The following NEGR1 variants were observed in gnomAD, a reference collection of about 807,000 sequenced individuals.
NEGR1 encodes IgLON family member 4.
A neutral mutation model predicts 40.9 loss-of-function variants in NEGR1; 10 were observed. The ratio of observed to expected loss-of-function variants is 0.24; its 90% CI spans 0.15 to 0.42. The LOEUF is 0.42. NEGR1 is among the 10% of genes least tolerant of loss of function. The probability of loss-of-function intolerance (pLI) is 1.00; values close to 1 mark genes in which losing one functional copy is unlikely to be tolerated. For missense variants in NEGR1, 352 were observed against 438.9 expected (o/e 0.80, Z 1.77); for synonymous variants, 185 against 166.8 (o/e 1.11, Z -0.84).
chr1:72,020,345 G>C (rs1035753454), intron 1 of NEGR1, among the ~76,000 whole-genome samples: 3 of 152,092 alleles, frequency 2.0e-5, no homozygotes, highest in African/African-American at 7.2e-5. Flanking sequence ...ACCCAGGAAA[G>C]GGGAAAGATC....
chr1:71,762,422 T>C (rs1040097885), intron 3 of NEGR1, among the ~76,000 whole-genome samples: 2 of 152,126 alleles, frequency 1.3e-5, no homozygotes, highest in Non-Finnish European at 2.9e-5. Flanking sequence ...CTATAGGCTG[T>C]CTGCAAGAGA....
intron 6 of NEGR1, among the ~76,000 whole-genome samples, chr1:71,424,056 T>G (rs1451595040): frequency 6.7e-6 from 1 of 149,696 alleles, no homozygotes; most frequent in Non-Finnish European, 1.5e-5. Context: ...AAGGCATAAC[T>G]GTCAGACGCT....
intron 2 of NEGR1, among the ~76,000 whole-genome samples, chr1:71,900,694 G>A (rs138973481): frequency 2.1e-4 from 32 of 152,242 alleles, no homozygotes; most frequent in Admixed American, 4.6e-4. Context: ...CATAAGATTT[G>A]AACTGTAACC....
chr1:71,547,721 T>C (rs1647947015), intron 6 of NEGR1, among the ~76,000 whole-genome samples: 1 of 151,618 alleles, frequency 6.6e-6, no homozygotes. Context: ...GAGCACTGCT[T>C]TGCCAGTTCT....
chr1:72,274,672 T>C (rs1167303776), intron 1 of NEGR1: 31 of 911,190 alleles, frequency 3.4e-5, no homozygotes, highest in East Asian at 7.2e-5. Context: ...TGGAGGTACC[T>C]ATATGCTGAA....
chr1:71,477,895 T>A (rs1287416390), intron 6 of NEGR1, among the ~76,000 whole-genome samples: 26 of 150,884 alleles, frequency 1.7e-4, no homozygotes, highest in African/African-American at 5.8e-4. Flanking sequence ...TCTTGGATTT[T>A]TAAAAAAAAA....
chr1:71,961,744 T>A (rs1646166856), intron 1 of NEGR1, among the ~76,000 whole-genome samples: 1 of 152,032 alleles, frequency 6.6e-6, no homozygotes, highest in South Asian at 2.1e-4. Context: ...CTCTGTAAAA[T>A]ATCAATATTA....
chr1:71,584,084 T>C (rs1409952957), intron 6 of NEGR1, among the ~76,000 whole-genome samples: 2 of 152,230 alleles, frequency 1.3e-5, no homozygotes, highest in African/African-American at 2.4e-5. Context: ...CAAGCAAGTC[T>C]GGCTTGGTTT....
At chr1:71,467,443 ATAC>A in intron 6 of NEGR1, among the ~76,000 whole-genome samples, 1 of 150,954 alleles carries the variant, frequency 6.6e-6, no homozygotes, top group African/African-American at 2.4e-5. Flanking sequence ...TAGTAACAAT[ATAC>A]TAAAGGATTC....
intron 2 of NEGR1, among the ~76,000 whole-genome samples, chr1:71,859,387 T>C (rs1489274444): frequency 6.6e-6 from 1 of 152,050 alleles, no homozygotes; most frequent in African/African-American, 2.4e-5. Context: ...AATTGTCCTC[T>C]GACCATTCTC....
At chr1:72,226,953 A>G (rs1465083332) in intron 1 of NEGR1, among the ~76,000 whole-genome samples, 1 of 152,046 alleles carries the variant, frequency 6.6e-6, no homozygotes, top group African/African-American at 2.4e-5. Context: ...ATAGCTACCA[A>G]GCTGATCTCT....
At chr1:71,616,725 C>G (rs1650457644) in intron 4 of NEGR1, among the ~76,000 whole-genome samples, 1 of 152,182 alleles carries the variant, frequency 6.6e-6, no homozygotes, top group African/African-American at 2.4e-5. Flanking sequence ...TTTTCCTACA[C>G]TGCGCACTTG....
At chr1:72,058,953 G>A (rs1199276823) in intron 1 of NEGR1, among the ~76,000 whole-genome samples, 1 of 151,570 alleles carries the variant, frequency 6.6e-6, no homozygotes, top group Admixed American at 6.6e-5. Flanking sequence ...CTATTGTGGG[G>A]ATTGTAAACA....
chr1:71,954,156 A>C (rs1456602758), intron 1 of NEGR1, among the ~76,000 whole-genome samples: 4 of 152,006 alleles, frequency 2.6e-5, no homozygotes, highest in African/African-American at 9.7e-5. Context: ...AGCTGTCGAC[A>C]TAACAGTTCT....
At chr1:71,956,522 A>G (rs1646120874) in intron 1 of NEGR1, among the ~76,000 whole-genome samples, 1 of 152,110 alleles carries the variant, frequency 6.6e-6, no homozygotes, top group African/African-American at 2.4e-5. Flanking sequence ...AATAAAAATA[A>G]TAAGAAATAA....
rs779062917 is a variant in NEGR1, at chr1:71,923,608, T to A, written c.409+11471A>T. Among the ~76,000 whole-genome samples the A allele has an allele frequency of 2.0e-5, 3 of 152,200 alleles. No homozygotes were observed. In the East Asian group the frequency reaches 5.8e-4, roughly 29 times the overall value. ...TTACATGTCTGTTAGGGTAGACATGTCTCACTCAGCTATACTCGAGGTGTT... is the reference window on the plus strand; with the variant it reads ...TTACATGTCTGTTAGGGTAGACATGACTCACTCAGCTATACTCGAGGTGTT... On this transcript the variant is annotated intron_variant, in intron 2 of 6. Coordinates refer to ENST00000357731, the MANE Select transcript of NEGR1 (RefSeq NM_173808.3).
intron 2 of NEGR1, among the ~76,000 whole-genome samples, chr1:71,885,790 T>C (rs1660706774): frequency 6.6e-6 from 1 of 152,202 alleles, no homozygotes; most frequent in Non-Finnish European, 1.5e-5. Context: ...TAAAGTATTA[T>C]AACTTTCTCT....
chr1:71,767,745 C>T (rs1656181523), intron 3 of NEGR1, among the ~76,000 whole-genome samples: 5 of 152,350 alleles, frequency 3.3e-5, no homozygotes, highest in Admixed American at 3.3e-4. Context: ...GGAAGCTCCT[C>T]CCATCACAGA....
At chr1:72,042,312 C>A (rs1646963752) in intron 1 of NEGR1, among the ~76,000 whole-genome samples, 2 of 151,758 alleles carry the variant, frequency 1.3e-5, no homozygotes. Flanking sequence ...CCTGGGATGA[C>A]TCAGAGGCAC....
Sources: gnomAD v4.1 joint callset for allele counts (sites outside exome capture counted in the v4.1 genomes callset) on GRCh38, gnomAD v4.1.1 for gene constraint, MANE v1.5 for transcripts, NCBI Gene and HGNC (gene_info 2026-07-23, HGNC 2026-07-21) for gene names.